PRKCA: variants seen among roughly 807,000 people sequenced by gnomAD.
PRKCA encodes protein kinase C alpha type.
Under a neutral mutation model 87.0 loss-of-function variants are expected in PRKCA, and 27 were observed. That is an observed-to-expected ratio of 0.31 (90% CI 0.23 to 0.43). PRKCA has a LOEUF of 0.43. Among genes scored for constraint, PRKCA ranks in the 20% least tolerant of loss-of-function variants. The pLI is 1.00. For synonymous variants in PRKCA, 329 were observed against 311.1 expected, an observed-to-expected ratio of 1.06 and a Z score of -0.61; for missense variants, 518 against 852.3, an observed-to-expected ratio of 0.61 and a Z score of 4.88.
chr17:66,429,078 T>G (rs1376498109), intron 2 of PRKCA, among the ~76,000 whole-genome samples: 1 of 151,860 alleles, frequency 6.6e-6, no homozygotes, highest in African/African-American at 2.4e-5. Context: ...TTGTGGTAGT[T>G]TTTCACGCTC....
intron 3 of PRKCA, among the ~76,000 whole-genome samples, chr17:66,593,871 G>C (rs1316241495): frequency 6.6e-6 from 1 of 152,154 alleles, no homozygotes; most frequent in Non-Finnish European, 1.5e-5. Flanking sequence ...ATCACCTGAG[G>C]TCAGGAGTTC....
At chr17:66,731,710 G>A (rs981276136) in intron 8 of PRKCA, among the ~76,000 whole-genome samples, 1 of 151,694 alleles carries the variant, frequency 6.6e-6, no homozygotes, top group Non-Finnish European at 1.5e-5. Context: ...AACTCCTCTG[G>A]TAGCTCGCCC....
chr17:66,314,258 CTG>C (rs1905198356), intron 2 of PRKCA, among the ~76,000 whole-genome samples: 1 of 152,188 alleles, frequency 6.6e-6, no homozygotes, highest in African/African-American at 2.4e-5. Context: ...CCTCATCAGT[CTG>C]TCAAAATTTC....
intron 2 of PRKCA, among the ~76,000 whole-genome samples, chr17:66,356,157 C>T (rs1908034996): frequency 6.6e-6 from 1 of 152,144 alleles, no homozygotes; most frequent in African/African-American, 2.4e-5. Flanking sequence ...CCTCAGCCTC[C>T]CAAAGTGCTG....
At chr17:66,366,439 C>G (rs1455252129) in intron 2 of PRKCA, among the ~76,000 whole-genome samples, 1 of 152,134 alleles carries the variant, frequency 6.6e-6, no homozygotes, top group Non-Finnish European at 1.5e-5. Flanking sequence ...CCTTTGTGGT[C>G]TTATTTTCAG....
At chr17:66,518,139 G>A (rs1234752608) in intron 3 of PRKCA, among the ~76,000 whole-genome samples, 2 of 152,126 alleles carry the variant, frequency 1.3e-5, no homozygotes, top group Non-Finnish European at 2.9e-5. Flanking sequence ...GGTCAATGAA[G>A]GAATAATGGC....
At chr17:66,326,983 C>T (rs1399549843) in intron 2 of PRKCA, among the ~76,000 whole-genome samples, 2 of 152,124 alleles carry the variant, frequency 1.3e-5, no homozygotes, top group Non-Finnish European at 2.9e-5. Flanking sequence ...TGGGGGGAAT[C>T]ACTTGAGCCC....
At chr17:66,632,374 T>C (rs1392548723) in intron 3 of PRKCA, among the ~76,000 whole-genome samples, 1 of 152,034 alleles carries the variant, frequency 6.6e-6, no homozygotes, top group African/African-American at 2.4e-5. Flanking sequence ...TTTTTGTTTT[T>C]TGTTTGTTTG....
intron 2 of PRKCA, among the ~76,000 whole-genome samples, chr17:66,384,226 A>C (rs1401499423): frequency 6.6e-6 from 1 of 152,190 alleles, no homozygotes; most frequent in Non-Finnish European, 1.5e-5. Context: ...AGAGAGCTAT[A>C]GTGGAGTGTG....
At chr17:66,360,733 A>G (rs994506098) in intron 2 of PRKCA, among the ~76,000 whole-genome samples, 1 of 151,906 alleles carries the variant, frequency 6.6e-6, no homozygotes, top group Non-Finnish European at 1.5e-5. Context: ...CTTAAAACCC[A>G]CTCTTGTCAT....
chr17:66,639,032 A>G (rs1249796326), intron 3 of PRKCA, among the ~76,000 whole-genome samples: 1 of 152,206 alleles, frequency 6.6e-6, no homozygotes, highest in Non-Finnish European at 1.5e-5. Flanking sequence ...TGCATTGGAG[A>G]AACCCTGAGA....
intron 3 of PRKCA, among the ~76,000 whole-genome samples, chr17:66,549,458 C>CAA (rs1422009746): frequency 6.6e-6 from 1 of 152,168 alleles, no homozygotes; most frequent in Non-Finnish European, 1.5e-5. Context: ...TGGCCCAGGC[C>CAA]TCTCTAAAGA....
At position 66,456,495 on chromosome 17, in the gene PRKCA, C is replaced by A. The variant is rs113944674; in HGVS notation, c.206-39706C>A. ...CCAAGGGTTTGGAATAGTCAAAGAT[C>A]CTGCCCAGATGTGATGCCCAGGTGT... On this transcript the variant is annotated intron_variant, in intron 2 of 16. Transcript: ENST00000413366. Among the ~76,000 whole-genome samples the A allele has an allele frequency of 3.0e-3, 456 of 152,268 alleles. 7 individuals are homozygous for A. Among genetic ancestry groups the A allele is most frequent in the African/African-American group, 0.01 (436 of 41,550 alleles).
rs368383832 is a variant in PRKCA at position 66,553,838 on chromosome 17, A to AGAGAAAGCT, written c.288+57557_288+57565dup. Reference sequence around the variant, plus strand: ...GGCCTCTCATTAGTGTTTAAGCAGTAGAGAAAGCTGGTGCCATCTCATTGT... The same window carrying AGAGAAAGCT: ...GGCCTCTCATTAGTGTTTAAGCAGTAGAGAAAGCTGAGAAAGCTGGTGCCATCTCATTGT... On this transcript the variant is annotated intron_variant, in intron 3 of 16. Coordinates refer to ENST00000413366, the MANE Select transcript of PRKCA (RefSeq NM_002737.3). Among the ~76,000 whole-genome samples, 493 of 152,336 alleles carry AGAGAAAGCT rather than the reference A, an allele frequency of 3.2e-3. 6 individuals are homozygous for AGAGAAAGCT. The highest frequency in any genetic ancestry group is 0.011 in the African/African-American group (461 of 41,576).
chr17:66,742,130 A>G (rs1353646735), intron 12 of PRKCA, among the ~76,000 whole-genome samples: 1 of 152,236 alleles, frequency 6.6e-6, no homozygotes, highest in East Asian at 1.9e-4. Context: ...AGCTGTGCTG[A>G]AAGTCTGGTG....
At chr17:66,616,932 G>A (rs975849901) in intron 3 of PRKCA, among the ~76,000 whole-genome samples, 3 of 151,976 alleles carry the variant, frequency 2.0e-5, no homozygotes, top group Non-Finnish European at 4.4e-5. Flanking sequence ...AGGAGCTCCA[G>A]CTTTCCTGTG....
chr17:66,644,911 G>T (rs1439838553), intron 4 of PRKCA, among the ~76,000 whole-genome samples: 2 of 151,792 alleles, frequency 1.3e-5, no homozygotes, highest in African/African-American at 2.4e-5. Flanking sequence ...GACCACTTGA[G>T]CCCAGGAGTT....
intron 3 of PRKCA, among the ~76,000 whole-genome samples, chr17:66,607,764 C>T (rs566984871): frequency 2.0e-5 from 3 of 152,090 alleles, no homozygotes; most frequent in South Asian, 2.1e-4. Context: ...CAGATTCCAA[C>T]GTGCAGGGTT....
Position 66,741,684 on chromosome 17 carries a change from G to T in PRKCA, c.1348G>T (p.Gly450Ter). The T allele has an allele frequency of 6.2e-7, 1 of 1,614,136 alleles. No homozygotes were observed. The highest frequency in any genetic ancestry group is 8.5e-7 in the Non-Finnish European group (1 of 1,180,020). ...AVFYAAEISI[G>*]LFFLHKRGII... ...ATTCTATGCGGCAGAGATTTCCATC[G>T]GATTGTTCTTTCTTCATAAAAGAGG... Residue 450 changes from glycine (G) to a stop codon, truncating the protein, a stop_gained, in exon 12 of 17, where the codon GGA becomes TGA. Transcript: ENST00000413366. LOFTEE classifies it high-confidence loss of function.
Sources: allele counts gnomAD v4.1 joint callset (sites outside exome capture counted in the v4.1 genomes callset), GRCh38; gene constraint gnomAD v4.1.1; transcripts MANE v1.5; gene names NCBI Gene and HGNC (gene_info 2026-07-23, HGNC 2026-07-21).